GRM3: variants seen among roughly 807,000 people sequenced by gnomAD.
The protein encoded by GRM3 is glutamate metabotropic receptor 3.
In GRM3, 26 loss-of-function variants were observed where a neutral mutation model predicts 70.5. The ratio of observed to expected loss-of-function variants is 0.37; its 90% CI spans 0.27 to 0.51. The LOEUF is 0.51. Among genes scored for constraint, GRM3 ranks in the 20% least tolerant of loss-of-function variants. The pLI is 0.93. For missense variants in GRM3, 859 were observed against 1,123.8 expected, an observed-to-expected ratio of 0.76 and a Z score of 3.37; for synonymous variants, 443 against 434.9, an observed-to-expected ratio of 1.02 and a Z score of -0.23.
chr7:86,656,923 T>C (rs802438), intron 1 of GRM3, among the ~76,000 whole-genome samples: 100,662 of 151,990 alleles, frequency 0.66, 33,671 homozygotes, highest in East Asian at 0.87. Flanking sequence ...AAAGATCTTG[T>C]CTGTCGTTTT....
intron 3 of GRM3, among the ~76,000 whole-genome samples, chr7:86,830,554 A>T (rs1308677981): frequency 2.0e-5 from 3 of 152,228 alleles, no homozygotes; most frequent in Non-Finnish European, 4.4e-5. Context: ...ATTGTGGCAC[A>T]TCATATGATA....
At chr7:86,777,377 T>C (rs1796919879) in intron 2 of GRM3, among the ~76,000 whole-genome samples, 1 of 152,106 alleles carries the variant, frequency 6.6e-6, no homozygotes, top group African/African-American at 2.4e-5. Context: ...CTTTGAGCAA[T>C]TTTTGAAGGT....
chr7:86,818,980 C>A lies in GRM3; in HGVS notation c.1325-19859C>A, dbSNP rs149684565. ...TAATCAGAAGTGGGCAGAGAGGCCT[C>A]ATATCTTTTCCAGTTGTCAAACAGT... On this transcript the variant is annotated intron_variant, in intron 3 of 5. Coordinates refer to ENST00000361669, the MANE Select transcript of GRM3 (RefSeq NM_000840.3). Among the ~76,000 whole-genome samples the A allele has an allele frequency of 4.0e-3, 611 of 152,226 alleles. 3 individuals carry two copies. The highest frequency in any genetic ancestry group is 0.014 in the African/African-American group (580 of 41,546).
chr7:86,701,240 A>G (rs994048449), intron 1 of GRM3, among the ~76,000 whole-genome samples: 1 of 151,938 alleles, frequency 6.6e-6, no homozygotes, highest in Admixed American at 6.6e-5. Context: ...ACTATTAACT[A>G]GAATATTATA....
At chr7:86,701,018 T>G (rs1794935649) in intron 1 of GRM3, among the ~76,000 whole-genome samples, 1 of 151,930 alleles carries the variant, frequency 6.6e-6, no homozygotes, top group African/African-American at 2.4e-5. Context: ...CCAAACATAA[T>G]CCACATTAGC....
intron 1 of GRM3, among the ~76,000 whole-genome samples, chr7:86,682,470 T>C (rs899204832): frequency 6.6e-6 from 1 of 152,182 alleles, no homozygotes; most frequent in Admixed American, 6.6e-5. Flanking sequence ...TGTTAGAGCA[T>C]ACTTAAGAGA....
chr7:86,670,493 C>G (rs1794143033), intron 1 of GRM3, among the ~76,000 whole-genome samples: 1 of 152,136 alleles, frequency 6.6e-6, no homozygotes, highest in Admixed American at 6.5e-5. Flanking sequence ...AAAAGAATTT[C>G]TGCCTGCATA....
chr7:86,826,750 T>C (rs1798242021), intron 3 of GRM3, among the ~76,000 whole-genome samples: 1 of 152,220 alleles, frequency 6.6e-6, no homozygotes, highest in Admixed American at 6.5e-5. Flanking sequence ...TTCAGCACTA[T>C]TGACATTTTG....
intron 1 of GRM3, among the ~76,000 whole-genome samples, chr7:86,717,837 C>T (rs537514707): frequency 1.3e-5 from 2 of 151,598 alleles, no homozygotes; most frequent in African/African-American, 4.8e-5. Flanking sequence ...TTCAAAAGCA[C>T]GTAGGGAATA....
intron 5 of GRM3, among the ~76,000 whole-genome samples, chr7:86,863,205 A>AAT (rs1318358433): frequency 2.0e-5 from 3 of 152,156 alleles, no homozygotes; most frequent in Non-Finnish European, 4.4e-5. Flanking sequence ...TTAAGGGTGA[A>AAT]ATATATATAA....
intron 1 of GRM3, among the ~76,000 whole-genome samples, chr7:86,708,049 C>T (rs1177903518): frequency 2.6e-5 from 4 of 152,066 alleles, no homozygotes; most frequent in Non-Finnish European, 4.4e-5. Context: ...TAATCGACTC[C>T]GGTACTAACA....
intron 1 of GRM3, among the ~76,000 whole-genome samples, chr7:86,719,959 T>C (rs907745030): frequency 4.6e-5 from 7 of 151,854 alleles, no homozygotes; most frequent in African/African-American, 1.7e-4. Flanking sequence ...ATTACAAGGA[T>C]AAAAGTAGTA....
chr7:86,841,545 T>A (rs1406557687), intron 4 of GRM3, among the ~76,000 whole-genome samples: 1 of 151,888 alleles, frequency 6.6e-6, no homozygotes, highest in Non-Finnish European at 1.5e-5. Flanking sequence ...TCTGTAGGAT[T>A]TTTTTTTAAG....
intron 1 of GRM3, among the ~76,000 whole-genome samples, chr7:86,688,074 A>G (rs1451059716): frequency 6.6e-6 from 1 of 151,862 alleles, no homozygotes; most frequent in South Asian, 2.1e-4. Flanking sequence ...AATAAAAAAA[A>G]TCTGCATTTC....
chr7:86,648,664 G>A (rs1793536223), intron 1 of GRM3, among the ~76,000 whole-genome samples: 1 of 151,894 alleles, frequency 6.6e-6, no homozygotes, highest in South Asian at 2.1e-4. Context: ...ATATCAATGT[G>A]GAATGTATTT....
At chr7:86,767,538 TATATATATATATATATATATAA>T (rs1023297472) in intron 2 of GRM3, among the ~76,000 whole-genome samples, 6 of 138,462 alleles carry the variant, frequency 4.3e-5, no homozygotes, top group African/African-American at 1.6e-4. Flanking sequence ...TATATATATA[TATATATATATATATATATATAA>T]ATGAAGTATG....
chr7:86,804,676 G>A (rs1455433786), intron 3 of GRM3, among the ~76,000 whole-genome samples: 3 of 152,200 alleles, frequency 2.0e-5, no homozygotes, highest in Non-Finnish European at 4.4e-5. Context: ...CTCCCAAAGT[G>A]CTGGGATTAT....
chr7:86,753,715 T>G (rs1796282185), intron 1 of GRM3, among the ~76,000 whole-genome samples: 1 of 152,174 alleles, frequency 6.6e-6, no homozygotes, highest in Non-Finnish European at 1.5e-5. Context: ...TACTATACCA[T>G]ATTGCCTTCC....
intron 3 of GRM3, among the ~76,000 whole-genome samples, chr7:86,795,253 T>TTTTTATTTTATTTTATTTTA (rs67329784): frequency 0.023 from 2,905 of 124,000 alleles, 113 homozygotes; most frequent in Middle Eastern, 0.045. Flanking sequence ...TCTAGGTTAG[T>TTTTTATTTTATTTTATTTTA]TTTTATTTTA....
Sources: allele counts gnomAD v4.1 joint callset (sites outside exome capture counted in the v4.1 genomes callset), GRCh38; gene constraint gnomAD v4.1.1; transcripts MANE v1.5; gene names NCBI Gene and HGNC (gene_info 2026-07-23, HGNC 2026-07-21).